Variants in GPR137C observed in about 807,000 individuals in gnomAD.
The protein encoded by GPR137C is G protein-coupled receptor 137C.
Under a neutral mutation model 43.4 loss-of-function variants are expected in GPR137C, and 27 were observed. The observed-to-expected ratio is 0.62, with a 90% confidence interval of 0.46 to 0.86. The LOEUF is 0.86. GPR137C is among the 40% of genes least tolerant of loss of function. The pLI is 0.00. For missense variants in GPR137C, 522 were observed against 534.6 expected (o/e 0.98, Z 0.23); for synonymous variants, 285 against 226.9 (o/e 1.26, Z -2.30).
rs191352035 is a variant in GPR137C, at chr14:52,600,868, A to G, written c.717+527A>G. Among the ~76,000 whole-genome samples, 27 of 152,336 alleles carry G rather than the reference A, an allele frequency of 1.8e-4. No homozygotes were observed. In the East Asian group the frequency reaches 4.4e-3, roughly 25 times the overall value. ...TAAGATTTTGCACAATAAGGGTGGC[A>G]GGGTTAGCAATGTTAAGATGTCATA... On this transcript the variant is annotated intron_variant, in intron 3 of 6. Transcript: ENST00000321662.
intron 1 of GPR137C, among the ~76,000 whole-genome samples, chr14:52,592,280 T>A (rs927013939): frequency 6.6e-6 from 1 of 152,200 alleles, no homozygotes; most frequent in African/African-American, 2.4e-5. Context: ...CTTCGTTCTT[T>A]TTGCTGTTTT....
chr14:52,608,573 G>A (rs943414042), intron 3 of GPR137C, among the ~76,000 whole-genome samples: 2 of 152,172 alleles, frequency 1.3e-5, no homozygotes, highest in African/African-American at 4.8e-5. Context: ...CATGTTAACA[G>A]TCTTTTTCCT....
chr14:52,607,802 G>A (rs575270244), intron 3 of GPR137C, among the ~76,000 whole-genome samples: 7 of 152,174 alleles, frequency 4.6e-5, no homozygotes, highest in Admixed American at 1.3e-4. Context: ...TTGAGCACAG[G>A]AGGTGGAGGT....
chr14:52,579,491 C>T (rs1485882741), intron 1 of GPR137C, among the ~76,000 whole-genome samples: 3 of 152,196 alleles, frequency 2.0e-5, no homozygotes, highest in Admixed American at 6.5e-5. Context: ...TCTGAAATCA[C>T]GTTGTTCTCA....
intron 3 of GPR137C, chr14:52,613,021 T>G (rs1594802947): frequency 6.6e-6 from 1 of 151,756 alleles, no homozygotes; most frequent in East Asian, 1.9e-4. Context: ...CCAAGGCGGG[T>G]GGATCACGAG....
intron 1 of GPR137C, among the ~76,000 whole-genome samples, chr14:52,587,178 C>T (rs2139497834): frequency 6.6e-6 from 1 of 152,248 alleles, no homozygotes; most frequent in South Asian, 2.1e-4. Context: ...CTACTGTGAA[C>T]TAGGCATTAT....
chr14:52,614,791 A>G (rs2039080310), intron 3 of GPR137C, among the ~76,000 whole-genome samples: 1 of 152,280 alleles, frequency 6.6e-6, no homozygotes, highest in Non-Finnish European at 1.5e-5. Context: ...CCAGCTGCCC[A>G]TTTTTAAATC....
chr14:52,633,949 A>G lies in GPR137C; in HGVS notation c.1112+3A>G, dbSNP rs1466888568. 6.6e-7 allele frequency: 1 copy of G among 1,521,892 alleles called. No individual in the cohort carries two copies. The highest frequency in any genetic ancestry group is 9.1e-7 in the Non-Finnish European group (1 of 1,096,502). 94.3% of individuals were successfully genotyped at this position (1,521,892 alleles called of 1,614,324 possible). A position where few individuals can be genotyped will look rare whatever the true frequency, so the allele number is the denominator to read the frequency against. On this transcript the variant is annotated splice_donor_region_variant and intron_variant, in intron 6 of 6. Coordinates refer to ENST00000321662, the MANE Select transcript of GPR137C (RefSeq NM_001099652.2). The stretch of plus-strand genomic sequence containing the variant: ...CTGGGAAGTTCAAGAGAAGGAAGGT[A>G]GATGTAACAAAGCCACTTAGCCTGA...
At chr14:52,595,531 T>G (rs1232819321) in intron 1 of GPR137C, among the ~76,000 whole-genome samples, 1 of 152,214 alleles carries the variant, frequency 6.6e-6, no homozygotes, top group East Asian at 1.9e-4. Context: ...TTACTCTTTT[T>G]TCTCTAATCT....
chr14:52,625,046 G>A (rs945549899), intron 3 of GPR137C, among the ~76,000 whole-genome samples: 5 of 152,110 alleles, frequency 3.3e-5, no homozygotes, highest in Non-Finnish European at 7.4e-5. Context: ...CTTAGATTTT[G>A]TAATCTAAGT....
At chr14:52,562,778 C>G (rs902598924) in intron 1 of GPR137C, among the ~76,000 whole-genome samples, 1 of 152,024 alleles carries the variant, frequency 6.6e-6, no homozygotes, top group Non-Finnish European at 1.5e-5. Flanking sequence ...AATTTACAAC[C>G]TGGAATATTT....
intron 3 of GPR137C, chr14:52,612,676 C>A: frequency 5.0e-6 from 1 of 200,682 alleles, no homozygotes; most frequent in Non-Finnish European, 8.9e-6. Flanking sequence ...ATTCTCCTAC[C>A]TCAGCCTCCC....
intron 1 of GPR137C, among the ~76,000 whole-genome samples, chr14:52,589,374 A>G (rs931140661): frequency 6.6e-6 from 1 of 152,188 alleles, no homozygotes; most frequent in Non-Finnish European, 1.5e-5. Flanking sequence ...AAAATGGTTA[A>G]ATTTTATGTT....
intron 3 of GPR137C, among the ~76,000 whole-genome samples, chr14:52,610,661 A>G (rs902473741): frequency 6.6e-5 from 10 of 152,238 alleles, no homozygotes; most frequent in Non-Finnish European, 1.5e-4. Context: ...CAAATACCCT[A>G]TGGGTAAGGA....
chr14:52,577,183 CAAAAAAAAAAAA>C (rs34249999), intron 1 of GPR137C, among the ~76,000 whole-genome samples: 35 of 41,176 alleles, frequency 8.5e-4, no homozygotes, highest in South Asian at 3.5e-3. Context: ...TAAGACTCCT[CAAAAAAAAAAAA>C]AAAAAAAAAA....
intron 1 of GPR137C, among the ~76,000 whole-genome samples, chr14:52,580,268 C>T (rs1566609492): frequency 6.6e-6 from 1 of 152,072 alleles, no homozygotes; most frequent in Non-Finnish European, 1.5e-5. Flanking sequence ...CATCAAAATT[C>T]ATTTGATTGT....
intron 3 of GPR137C, among the ~76,000 whole-genome samples, chr14:52,607,461 T>C (rs1458369333): frequency 6.6e-6 from 1 of 152,254 alleles, no homozygotes; most frequent in Non-Finnish European, 1.5e-5. Flanking sequence ...ATTTGCTTCA[T>C]ATATTTGGGT....
In GPR137C at chr14:52,628,139, G is replaced by A. The variant is rs115616651; in HGVS notation, c.718-4021G>A. Among the ~76,000 whole-genome samples, 395 of 152,286 alleles carry A rather than the reference G, an allele frequency of 2.6e-3. 2 individuals carry two copies. The highest frequency in any genetic ancestry group is 9.1e-3 in the African/African-American group (379 of 41,558). The stretch of plus-strand genomic sequence containing the variant: ...GTATAAAGCTACAATAATTAAGACA[G>A]CGTGCTACTGACATGAGAAAGACAG... On this transcript the variant is annotated intron_variant, in intron 3 of 6. Transcript: ENST00000321662.
chr14:52,591,366 A>G (rs2038782226), intron 1 of GPR137C, among the ~76,000 whole-genome samples: 1 of 152,192 alleles, frequency 6.6e-6, no homozygotes, highest in African/African-American at 2.4e-5. Context: ...TCGCTGGGTC[A>G]AGTAGTATTT....
Sources: gnomAD v4.1 joint callset for allele counts (sites outside exome capture counted in the v4.1 genomes callset) on GRCh38, gnomAD v4.1.1 for gene constraint, MANE v1.5 for transcripts, NCBI Gene and HGNC (gene_info 2026-07-23, HGNC 2026-07-21) for gene names.